Variants in RYR2 observed in about 807,000 individuals in gnomAD.
RYR2 encodes the protein cardiac muscle ryanodine receptor-calcium release channel.
RYR2 carries 227 observed loss-of-function variants against 601.1 expected under a neutral mutation model. The observed-to-expected ratio is 0.38, with a 90% CI of 0.34 to 0.42. RYR2 has a LOEUF of 0.42. RYR2 is among the 10% of genes least tolerant of loss of function. The probability of loss-of-function intolerance (pLI) is 1.00; values close to 1 mark genes in which losing one functional copy is unlikely to be tolerated. For synonymous variants in RYR2, 2,223 were observed against 2,175.1 expected (o/e 1.02, Z -0.61); for missense variants, 4,646 against 6,156.5 (o/e 0.75, Z 8.21).
intron 1 of RYR2, among the ~76,000 whole-genome samples, chr1:237,177,313 A>G (rs1678166314): frequency 6.6e-6 from 1 of 152,232 alleles, no homozygotes; most frequent in East Asian, 1.9e-4. Flanking sequence ...ACAGATATGT[A>G]AATTATGAAA....
chr1:237,272,195 T>A (rs1689757906), intron 2 of RYR2, among the ~76,000 whole-genome samples: 1 of 152,042 alleles, frequency 6.6e-6, no homozygotes, highest in Admixed American at 6.6e-5. Flanking sequence ...AGGTGAGACG[T>A]TTCTGGAGTA....
Position 237,241,653 on chromosome 1 carries a change from T to A in RYR2, c.49-28844T>A, listed in dbSNP as rs902453374. Reference sequence around the variant, plus strand: ...GCAGAGCAGCTCCAAGGGCTACTGGTTGGCTAGTTTTATGGTTATTTCTTG... The same window carrying A: ...GCAGAGCAGCTCCAAGGGCTACTGGATGGCTAGTTTTATGGTTATTTCTTG... On this transcript the variant is annotated intron_variant, in intron 1 of 104. Coordinates refer to ENST00000366574, the MANE Select transcript of RYR2 (RefSeq NM_001035.3). Among the ~76,000 whole-genome samples, 15 of 152,276 alleles carry A rather than the reference T, an allele frequency of 9.9e-5. No individual in the cohort carries two copies. In the South Asian group the frequency reaches 3.1e-3, roughly 32 times the overall value.
intron 10 of RYR2, among the ~76,000 whole-genome samples, chr1:237,415,904 C>G (rs766340123): frequency 6.6e-6 from 1 of 152,150 alleles, no homozygotes; most frequent in Non-Finnish European, 1.5e-5. Flanking sequence ...ACAGGTAAAA[C>G]GCGGTTGTCC....
At chr1:237,721,530 T>A in intron 73 of RYR2, among the ~76,000 whole-genome samples, 1 of 152,256 alleles carries the variant, frequency 6.6e-6, no homozygotes, top group African/African-American at 2.4e-5. Flanking sequence ...TGTTTGTTTG[T>A]TTTTTGAGAT....
chr1:237,598,032 A>G (rs1374129694), intron 34 of RYR2, among the ~76,000 whole-genome samples: 1 of 152,238 alleles, frequency 6.6e-6, no homozygotes, highest in Non-Finnish European at 1.5e-5. Flanking sequence ...AAGTAGCCAC[A>G]CTTAGATAAA....
intron 1 of RYR2, among the ~76,000 whole-genome samples, chr1:237,116,820 T>G (rs1281444382): frequency 6.6e-6 from 1 of 152,126 alleles, no homozygotes; most frequent in East Asian, 1.9e-4. Context: ...TTCCTTCCTC[T>G]GCATTTTGTT....
intron 80 of RYR2, among the ~76,000 whole-genome samples, chr1:237,742,734 A>C (rs12735532): frequency 0.037 from 5,618 of 152,266 alleles, 115 homozygotes; most frequent in East Asian, 0.057. Flanking sequence ...TTTTTCCTGA[A>C]TAGAAGTCTT....
intron 5 of RYR2, among the ~76,000 whole-genome samples, chr1:237,367,395 C>CA (rs67381357): frequency 6.6e-6 from 1 of 151,632 alleles, no homozygotes; most frequent in African/African-American, 2.4e-5. Flanking sequence ...TCTGGCCCCC[C>CA]AAAAAAAGTG....
At chr1:237,263,274 T>C (rs1040769102) in intron 1 of RYR2, among the ~76,000 whole-genome samples, 4 of 152,224 alleles carry the variant, frequency 2.6e-5, no homozygotes, top group Non-Finnish European at 4.4e-5. Context: ...TCTGTCAGCA[T>C]GGCAGCATGT....
intron 2 of RYR2, among the ~76,000 whole-genome samples, chr1:237,289,195 AG>A (rs1553382941): frequency 6.6e-6 from 1 of 152,076 alleles, no homozygotes; most frequent in Non-Finnish European, 1.5e-5. Context: ...CTTCCTTCAG[AG>A]GCTCTGTGGA....
chr1:237,795,836 G>GTGTGTGTA (rs371932356), intron 96 of RYR2, among the ~76,000 whole-genome samples: 1 of 132,692 alleles, frequency 7.5e-6, no homozygotes, highest in Non-Finnish European at 1.6e-5. Context: ...GTGTGTGTGT[G>GTGTGTGTA]TATATATATA....
chr1:237,786,374 A>G (rs140361400), intron 91 of RYR2, among the ~76,000 whole-genome samples: 26 of 152,338 alleles, frequency 1.7e-4, no homozygotes, highest in Admixed American at 2.6e-4. Flanking sequence ...TTTAAAAATC[A>G]CTCATGTCTT....
At chr1:237,554,542 T>G (rs1670701213) in intron 27 of RYR2, among the ~76,000 whole-genome samples, 4 of 151,970 alleles carry the variant, frequency 2.6e-5, no homozygotes, top group Admixed American at 2.6e-4. Flanking sequence ...CTGAAAGAAT[T>G]TGTGTTAATT....
chr1:237,527,684 T>C (rs1667730316), intron 24 of RYR2, among the ~76,000 whole-genome samples: 1 of 152,208 alleles, frequency 6.6e-6, no homozygotes, highest in Non-Finnish European at 1.5e-5. Context: ...TTATCCTTCT[T>C]GGAATATCTT....
chr1:237,501,990 T>C lies in RYR2; in HGVS notation c.2396+1087T>C, dbSNP rs550955319. Among the ~76,000 whole-genome samples, 6 of 152,092 alleles carry C rather than the reference T, an allele frequency of 3.9e-5. No individual in the cohort carries two copies. The South Asian group carries it at 8.3e-4, about 21-fold the overall frequency. ...ACCCTATCTCTGCAAAAGTTTTGTT[T>C]TGTTTTGTTTTGTTTCTTTAGTTAG... On this transcript the variant is annotated intron_variant, in intron 21 of 104. Transcript: ENST00000366574.
chr1:237,798,601 CTTTACTATAAGTATTGTATTGT>C (rs1659563425), intron 97 of RYR2, among the ~76,000 whole-genome samples: 1 of 152,130 alleles, frequency 6.6e-6, no homozygotes, highest in Non-Finnish European at 1.5e-5. Flanking sequence ...ACTCATATTA[CTTTACTATAAGTATTGTATTGT>C]TTTGAACAGC....
intron 10 of RYR2, among the ~76,000 whole-genome samples, chr1:237,402,229 A>AT (rs1703410633): frequency 1.6e-5 from 1 of 64,366 alleles, no homozygotes; most frequent in Non-Finnish European, 3.6e-5. Flanking sequence ...CCTTGTCTCT[A>AT]CAAAAAAAAA....
intron 2 of RYR2, among the ~76,000 whole-genome samples, chr1:237,286,086 T>C (rs887657917): frequency 5.9e-5 from 9 of 152,276 alleles, no homozygotes; most frequent in South Asian, 2.1e-4. Flanking sequence ...TTTTTGTTTC[T>C]CTAGTTCCTT....
At chr1:237,712,276 C>A (rs1344974438) in intron 71 of RYR2, among the ~76,000 whole-genome samples, 1 of 152,050 alleles carries the variant, frequency 6.6e-6, no homozygotes, top group African/African-American at 2.4e-5. Context: ...CATCATAGGG[C>A]CTGTCCTTGG....
Sources: gnomAD v4.1 joint callset for allele counts (sites outside exome capture counted in the v4.1 genomes callset) on GRCh38, gnomAD v4.1.1 for gene constraint, MANE v1.5 for transcripts, NCBI Gene and HGNC (gene_info 2026-07-23, HGNC 2026-07-21) for gene names.